Variants in C8orf34 observed in about 807,000 individuals in gnomAD.
C8orf34 encodes the protein chromosome 8 open reading frame 34, also known as uncharacterized protein C8orf34.
Under a neutral mutation model 68.3 loss-of-function variants are expected in C8orf34, and 65 were observed. That is an observed-to-expected ratio of 0.95 (90% CI 0.78 to 1.17). The LOEUF (loss-of-function observed/expected upper bound fraction) is 1.17. Ranked by LOEUF, C8orf34 falls within the 50% of genes most tolerant of loss-of-function variation. The pLI, the probability that C8orf34 is intolerant of heterozygous loss-of-function variation, is 0.00. For synonymous variants in C8orf34, 244 were observed against 241.2 expected (o/e 1.01, Z -0.11); for missense variants, 664 against 655.4 (o/e 1.01, Z -0.14).
At chr8:68,624,910 C>CTT (rs5892154) in intron 7 of C8orf34, among the ~76,000 whole-genome samples, 2,609 of 143,650 alleles carry the variant, frequency 0.018, 83 homozygotes, top group African/African-American at 0.06. Context: ...TAATTTCTTG[C>CTT]TTTTTTTTTT....
rs1336799066 is a variant in C8orf34, at chr8:68,745,037, C to T, written c.1404+23600C>T. 3.9e-5 allele frequency among the ~76,000 whole-genome samples: 6 copies of T among 152,176 alleles called. 1 individual carries two copies. Among genetic ancestry groups the T allele is most frequent in the South Asian group, 2.1e-4 (1 of 4,808 alleles). ...CCCATCAGACTAACAGCGGATCTCT[C>T]GGCAGAAACCCTACAAGCCAGAAGA... On this transcript the variant is annotated intron_variant, in intron 10 of 13. Transcript: ENST00000518698.
At chr8:68,349,942 GT>G (rs1806442402) in intron 1 of C8orf34, among the ~76,000 whole-genome samples, 1 of 151,310 alleles carries the variant, frequency 6.6e-6, no homozygotes, top group Non-Finnish European at 1.5e-5. Context: ...CTTTTGAAAG[GT>G]TTTTTTCTGA....
intron 8 of C8orf34, among the ~76,000 whole-genome samples, chr8:68,646,770 T>C (rs951767329): frequency 3.3e-5 from 5 of 152,198 alleles, no homozygotes; most frequent in South Asian, 2.1e-4. Flanking sequence ...ATCCTCCAGG[T>C]TCATTGTTGC....
intron 1 of C8orf34, among the ~76,000 whole-genome samples, chr8:68,431,542 T>A (rs1217102352): frequency 1.3e-5 from 2 of 152,212 alleles, no homozygotes; most frequent in Non-Finnish European, 2.9e-5. Flanking sequence ...AGGAGTGTAA[T>A]CCTTAACTGA....
chr8:68,575,738 A>G (rs1322587492), intron 7 of C8orf34, among the ~76,000 whole-genome samples: 1 of 151,842 alleles, frequency 6.6e-6, no homozygotes, highest in Non-Finnish European at 1.5e-5. Flanking sequence ...ATTCTGTTTG[A>G]TCTAAGGGGC....
chr8:68,666,749 T>C (rs751195040), intron 8 of C8orf34, among the ~76,000 whole-genome samples: 2 of 152,186 alleles, frequency 1.3e-5, no homozygotes, highest in Non-Finnish European at 2.9e-5. Context: ...TATATTTTTG[T>C]TTACATACAA....
chr8:68,769,253 G>A (rs1423354763), intron 10 of C8orf34, among the ~76,000 whole-genome samples: 1 of 151,280 alleles, frequency 6.6e-6, no homozygotes, highest in Admixed American at 6.6e-5. Flanking sequence ...AATCTTCAAT[G>A]TTTGTCACTT....
chr8:68,519,110 C>CTT (rs755706435), intron 5 of C8orf34, among the ~76,000 whole-genome samples: 76 of 152,272 alleles, frequency 5.0e-4, no homozygotes, highest in Non-Finnish European at 8.5e-4. Flanking sequence ...TAAGGCTTAG[C>CTT]TTTCCCATTT....
rs545809990 is a variant in C8orf34 at position 68,818,352 on chromosome 8, T to C, written c.*106T>C. On this transcript the variant is annotated 3_prime_UTR_variant, in exon 14 of 14. Coordinates refer to ENST00000518698, the MANE Select transcript of C8orf34 (RefSeq NM_052958.4). Reference sequence around the variant, plus strand: ...TATGTGTAATCATTTAGAGAATGGTTATTTTTATAATCTCAATAATAAACA... The same window carrying C: ...TATGTGTAATCATTTAGAGAATGGTCATTTTTATAATCTCAATAATAAACA... 1.8e-4 allele frequency: 226 copies of C among 1,260,702 alleles called. No homozygotes were observed. In the East Asian group the frequency reaches 5.3e-3, roughly 30 times the overall value. 78.1% of individuals were successfully genotyped at this position (1,260,702 alleles called of 1,614,324 possible).
At chr8:68,751,540 T>C (rs577890649) in intron 10 of C8orf34, among the ~76,000 whole-genome samples, 1 of 152,322 alleles carries the variant, frequency 6.6e-6, no homozygotes, top group South Asian at 2.1e-4. Flanking sequence ...TGGTTTTTTA[T>C]AGAATCTCAA....
rs11995326 is a variant in C8orf34 at position 68,474,187 on chromosome 8, G to A, written c.736+5367G>A. Among the ~76,000 whole-genome samples the A allele has an allele frequency of 6.2e-3, 947 of 152,140 alleles. 12 individuals are homozygous for A. Among genetic ancestry groups the A allele is most frequent in the African/African-American group, 0.022 (909 of 41,502 alleles). ...TGTGTTTTTACAACATGCCCAAAGC[G>A]TATCTCCACTTGGCTATCCCAATGC... On this transcript the variant is annotated intron_variant, in intron 4 of 13. Coordinates refer to ENST00000518698, the MANE Select transcript of C8orf34 (RefSeq NM_052958.4).
chr8:68,492,788 C>T (rs1813370065), intron 5 of C8orf34, among the ~76,000 whole-genome samples: 1 of 151,400 alleles, frequency 6.6e-6, no homozygotes, highest in Non-Finnish European at 1.5e-5. Flanking sequence ...GTGTGCTCAC[C>T]CACCGAGATC....
chr8:68,688,380 A>G (rs1172542222), intron 8 of C8orf34, among the ~76,000 whole-genome samples: 1 of 152,142 alleles, frequency 6.6e-6, no homozygotes, highest in East Asian at 1.9e-4. Context: ...ATGAATGGAT[A>G]AAGAAAATGT....
chr8:68,521,129 A>G (rs1814737396), intron 5 of C8orf34, among the ~76,000 whole-genome samples: 1 of 152,356 alleles, frequency 6.6e-6, no homozygotes. Context: ...TTTAAACAAA[A>G]TCTAGATTAT....
chr8:68,660,224 A>G (rs1819631182), intron 8 of C8orf34, among the ~76,000 whole-genome samples: 1 of 152,188 alleles, frequency 6.6e-6, no homozygotes, highest in Non-Finnish European at 1.5e-5. Flanking sequence ...CAAGAGAAAT[A>G]CAGACTGAAG....
chr8:68,389,496 G>A (rs916627414), intron 1 of C8orf34, among the ~76,000 whole-genome samples: 2 of 152,140 alleles, frequency 1.3e-5, no homozygotes, highest in Admixed American at 6.6e-5. Context: ...AAGGCATTGC[G>A]ATGATTACTT....
intron 7 of C8orf34, among the ~76,000 whole-genome samples, chr8:68,588,720 A>G (rs966740228): frequency 1.3e-5 from 2 of 152,200 alleles, no homozygotes; most frequent in African/African-American, 2.4e-5. Flanking sequence ...TTCATTTTAC[A>G]TGGCACTCAT....
At chr8:68,505,898 T>C (rs541412703) in intron 5 of C8orf34, among the ~76,000 whole-genome samples, 1 of 152,302 alleles carries the variant, frequency 6.6e-6, no homozygotes, top group Admixed American at 6.5e-5. Flanking sequence ...ATTTTTTTAC[T>C]TTCAAAAGTT....
chr8:68,459,907 T>A lies in C8orf34; in HGVS notation c.608-8785T>A, dbSNP rs183370245. ...TGCATTTCCATCAGAGGTACCGGGT[T>A]CACCTCACTAGGGAGTATCAGACAG... On this transcript the variant is annotated intron_variant, in intron 3 of 13. Transcript: ENST00000518698. 4.3e-3 allele frequency among the ~76,000 whole-genome samples: 652 copies of A among 152,228 alleles called. 5 individuals are homozygous for A. Among genetic ancestry groups the A allele is most frequent in the African/African-American group, 0.015 (630 of 41,560 alleles).
Sources: gnomAD v4.1 joint callset for allele counts (sites outside exome capture counted in the v4.1 genomes callset) on GRCh38, gnomAD v4.1.1 for gene constraint, MANE v1.5 for transcripts, NCBI Gene and HGNC (gene_info 2026-07-23, HGNC 2026-07-21) for gene names.